The following ZNF415 variants were observed in gnomAD, a reference collection of about 807,000 sequenced individuals.
ZNF415 encodes the protein zinc finger protein 415.
ZNF415 carries 5 observed loss-of-function variants against 7.3 expected under a neutral mutation model. The ratio of observed to expected loss-of-function variants is 0.69; its 90% CI spans 0.36 to 1.44. The LOEUF is 1.44. Among genes scored for constraint, ZNF415 ranks in the 40% most tolerant of loss-of-function variants. The probability of loss-of-function intolerance (pLI) is 0.04; values close to 1 mark genes in which losing one functional copy is unlikely to be tolerated. For synonymous variants in ZNF415, 207 were observed against 226.3 expected, an observed-to-expected ratio of 0.91 and a Z score of 0.77; for missense variants, 628 against 664.8, an observed-to-expected ratio of 0.94 and a Z score of 0.61.
intron 3 of ZNF415, among the ~76,000 whole-genome samples, chr19:53,110,324 T>C (rs920280660): frequency 1.1e-4 from 17 of 152,138 alleles, no homozygotes; most frequent in Non-Finnish European, 2.1e-4. Flanking sequence ...TACTACACAA[T>C]ATATCATAAT....
In ZNF415 at chr19:53,108,392, A is replaced by C. The variant is rs377185363; in HGVS notation, c.1653T>G (p.Pro551=). Residue 551 remains proline (P), a synonymous_variant, in exon 4 of 4, where the codon CCT becomes CCG. Coordinates refer to ENST00000243643, the MANE Select transcript of ZNF415 (RefSeq NM_018355.4). ...RHQIIHTKEK[P]YKRN ...CCTTGCCATATTAATTTCTTTTATA[A>C]GGTTTCTCCTTAGTATGGATAATTT... 6.2e-6 allele frequency: 10 copies of C among 1,600,638 alleles called. No homozygotes were observed. The African/African-American group carries it at 1.3e-4, about 22-fold the overall frequency.
In ZNF415 at chr19:53,109,911, A is replaced by T; in HGVS notation, c.137-3T>A. On this transcript the variant is annotated splice_region_variant and splice_polypyrimidine_tract_variant and intron_variant, in intron 3 of 3. Coordinates refer to ENST00000243643, the MANE Select transcript of ZNF415 (RefSeq NM_018355.4). ...GATTACACAGTTACGAGACAGATCT[A>T]TAAGAAATGAAAACCATAGGTTTCC... The T allele has an allele frequency of 6.4e-7, 1 of 1,554,430 alleles. No individual in the cohort carries two copies. The highest frequency in any genetic ancestry group is 8.6e-7 in the Non-Finnish European group (1 of 1,157,474).
At position 53,109,909 on chromosome 19, in the gene ZNF415, C is replaced by G. The variant is rs770465282; in HGVS notation, c.137-1G>C. ...TTGATTACACAGTTACGAGACAGAT[C>G]TATAAGAAATGAAAACCATAGGTTT... is the stretch of plus-strand genomic sequence containing the variant. On this transcript the variant is annotated splice_acceptor_variant, in intron 3 of 3. Transcript: ENST00000243643. LOFTEE classifies it high-confidence loss of function. The G allele has an allele frequency of 1.3e-6, 2 of 1,555,850 alleles. No homozygotes were observed. Among genetic ancestry groups the G allele is most frequent in the East Asian group, 4.5e-5 (2 of 44,298 alleles).
chr19:53,117,771 G>A (rs553537350), intron 2 of ZNF415, among the ~76,000 whole-genome samples: 173 of 152,204 alleles, frequency 1.1e-3, no homozygotes, highest in African/African-American at 3.7e-3. Flanking sequence ...AATATTGGCC[G>A]TCATGAAAAC....
intron 3 of ZNF415, 74 bp downstream of exon 3, chr19:53,116,239 C>T (rs2146346996): frequency 6.5e-7 from 1 of 1,530,216 alleles, no homozygotes. Flanking sequence ...TGCAGGGGCT[C>T]CCAAGAGGCA....
intron 2 of ZNF415, among the ~76,000 whole-genome samples, chr19:53,120,087 T>A: frequency 6.6e-6 from 1 of 151,740 alleles, no homozygotes; most frequent in African/African-American, 2.4e-5. Context: ...AAAGGAAAAC[T>A]ATAGGCCGAA....
Position 53,109,586 on chromosome 19 carries a change from A to G in ZNF415, c.459T>C (p.Phe153=). 1 of 1,614,126 alleles carries G rather than the reference A, an allele frequency of 6.2e-7. No homozygotes were observed. Among genetic ancestry groups the G allele is most frequent in the Non-Finnish European group, 8.5e-7 (1 of 1,180,010 alleles). The part of the protein sequence containing the change: ...FLPHPHELQQ[F]QAEGKIYECN... ...ATTCATAAATTTTCCCTTCAGCTTG[A>G]AACTGCTGCAGTTCATGGGGATGTG... Residue 153 remains phenylalanine, a synonymous_variant, in exon 4 of 4, where the codon TTT becomes TTC. Coordinates refer to ENST00000243643, the MANE Select transcript of ZNF415 (RefSeq NM_018355.4).
chr19:53,121,401 A>G (rs1251273056), intron 2 of ZNF415, among the ~76,000 whole-genome samples: 2 of 150,492 alleles, frequency 1.3e-5, no homozygotes, highest in East Asian at 2.0e-4. Context: ...AAAAAAAAAA[A>G]GTCCTACAAT....
chr19:53,130,073 AAAAAAAAAGAAAAG>A (rs1184122112), intron 1 of ZNF415, among the ~76,000 whole-genome samples: 1 of 151,960 alleles, frequency 6.6e-6, no homozygotes. Context: ...TCACAAAAAA[AAAAAAAAAGAAAAG>A]AAAAAAAGAA....
chr19:53,114,075 C>A (rs1330550971), intron 3 of ZNF415, among the ~76,000 whole-genome samples: 1 of 152,186 alleles, frequency 6.6e-6, no homozygotes, highest in Non-Finnish European at 1.5e-5. Context: ...CATATAAACA[C>A]CCTCCACAAG....
chr19:53,121,585 G>C (rs145661311), intron 2 of ZNF415, among the ~76,000 whole-genome samples: 1 of 151,406 alleles, frequency 6.6e-6, no homozygotes. Flanking sequence ...GCGCCACCAC[G>C]CCTGGCTAAT....
chr19:53,126,438 G>C (rs1174126271), intron 1 of ZNF415, among the ~76,000 whole-genome samples: 2 of 146,656 alleles, frequency 1.4e-5, no homozygotes, highest in South Asian at 2.3e-4. Context: ...TTCTCACTTG[G>C]CAATGATGTT....
At chr19:53,116,222 C>T (rs920505191) in intron 3 of ZNF415, 91 bp downstream of exon 3, 63 of 1,433,526 alleles carry the variant, frequency 4.4e-5, no homozygotes, top group Non-Finnish European at 5.9e-5. Flanking sequence ...CAAACTCAGT[C>T]AGGTAATGCA....
At chr19:53,122,942 ACTCCCTC>A (rs1000494431) in intron 1 of ZNF415, among the ~76,000 whole-genome samples, 199 bp from the exon 2 acceptor site, 5 of 150,792 alleles carry the variant, frequency 3.3e-5, no homozygotes, top group African/African-American at 1.2e-4. Flanking sequence ...TTTCTTCAGA[ACTCCCTC>A]CCCTCCTGGA....
Position 53,108,630 on chromosome 19 carries a change from T to C in ZNF415, c.1415A>G (p.Gln472Arg). The change falls in exon 4 of 4, where the codon CAA (glutamine) becomes CGA (arginine). Residue 472 changes from glutamine to arginine, a missense_variant. Physicochemically the swap from Gln to Arg is conservative, Grantham distance 43 (BLOSUM62 1). Transcript: ENST00000243643. ...ATGCACACTGAAGCCTTTGCCACAT[T>C]GATTACATTTGTAAGGCTTCTCTCC... The part of the protein sequence containing the change: ...HTGEKPYKCN[Q>R]CGKGFSVHSS... The C allele has an allele frequency of 6.2e-7, 1 of 1,614,212 alleles. No homozygotes were observed. Among genetic ancestry groups the C allele is most frequent in the Admixed American group, 1.7e-5 (1 of 60,018 alleles).
intron 1 of ZNF415, among the ~76,000 whole-genome samples, chr19:53,130,405 G>C (rs938063935): frequency 2.0e-5 from 3 of 151,908 alleles, no homozygotes; most frequent in Non-Finnish European, 2.9e-5. Context: ...CAAAGGGAAA[G>C]ATTTTGAAAT....
intron 1 of ZNF415, chr19:53,123,859 G>C (rs933114323): frequency 1.3e-4 from 39 of 305,058 alleles, no homozygotes; most frequent in African/African-American, 7.3e-4. Context: ...AGATGTGCAG[G>C]ACTGCAGGGG....
At chr19:53,113,898 TAGA>T (rs2086621804) in intron 3 of ZNF415, among the ~76,000 whole-genome samples, 1 of 152,210 alleles carries the variant, frequency 6.6e-6, no homozygotes, top group Non-Finnish European at 1.5e-5. Flanking sequence ...TCCTCAAAAC[TAGA>T]AGGACATCTG....
chr19:53,126,507 C>T (rs893207222), intron 1 of ZNF415, among the ~76,000 whole-genome samples: 44 of 139,782 alleles, frequency 3.1e-4, no homozygotes, highest in African/African-American at 1.1e-3. Flanking sequence ...AAACTGACTG[C>T]AGAACTGCAG....
Sources: allele counts gnomAD v4.1 joint callset (sites outside exome capture counted in the v4.1 genomes callset), GRCh38; gene constraint gnomAD v4.1.1; transcripts MANE v1.5; gene names NCBI Gene and HGNC (gene_info 2026-07-23, HGNC 2026-07-21).